LCE3E: variants seen among roughly 807,000 people sequenced by gnomAD.
LCE3E encodes the protein late cornified envelope 3E.
For synonymous variants in LCE3E, 40 were observed against 47.0 expected (o/e 0.85, Z 0.61); for missense variants, 133 against 120.0 (o/e 1.11, Z -0.51).
intron 1 of LCE3E, 69 bp downstream of exon 1, chr1:152,566,669 C>T (rs1436452837): frequency 1.1e-5 from 2 of 185,016 alleles, no homozygotes; most frequent in East Asian, 3.0e-4. Context: ...GTTTCCATCT[C>T]TTCTGCTATG....
Position 152,565,713 on chromosome 1 carries a change from T to C in LCE3E, c.*217A>G. The C allele has an allele frequency of 1.5e-6, 1 of 659,260 alleles. No homozygotes were observed. Among genetic ancestry groups the C allele is most frequent in the South Asian group, 2.0e-5 (1 of 49,246 alleles). The allele number at this position is 659,260 out of a possible 1,614,324, so 40.8% of individuals were successfully genotyped here. A position where few individuals can be genotyped will look rare whatever the true frequency, so the allele number is the denominator to read the frequency against. ...GTTGGGCACAAGCACTGCCAATCCT[T>C]GGCAGGTACAGGGGTAGGGGGACAT... On this transcript the variant is annotated 3_prime_UTR_variant, in exon 2 of 2. Transcript: ENST00000368789.
At position 152,565,905 on chromosome 1, in the gene LCE3E, G is replaced by A. The variant is rs199669771; in HGVS notation, c.*25C>T. The A allele has an allele frequency of 1.1e-4, 175 of 1,609,030 alleles. 3 individuals are homozygous for A. In the South Asian group the frequency reaches 1.4e-3, roughly 13 times the overall value. ...GGGATTCTTGTTTCCTCCAAAGATC[G>A]CTTGTCTCAGCATCAGGATCTGGAT... On this transcript the variant is annotated 3_prime_UTR_variant, in exon 2 of 2. Transcript: ENST00000368789.
At chr1:152,566,473 T>C (rs1271405383) in intron 1 of LCE3E, among the ~76,000 whole-genome samples, 2 of 152,008 alleles carry the variant, frequency 1.3e-5, no homozygotes, top group East Asian at 3.9e-4. Context: ...AAAAGAATTC[T>C]GTAGAATGGA....
At chr1:152,566,339 G>T in intron 1 of LCE3E, 110 bp from the exon 2 acceptor site, 1 of 1,171,752 alleles carries the variant, frequency 8.5e-7, no homozygotes, top group Non-Finnish European at 1.2e-6. Context: ...CTGATGTGGA[G>T]CTGGTGGGAT....
At chr1:152,566,340 C>G (rs1185828771) in intron 1 of LCE3E, 111 bp from the exon 2 acceptor site, 2 of 1,163,680 alleles carry the variant, frequency 1.7e-6, no homozygotes, top group Non-Finnish European at 2.4e-6. Flanking sequence ...TGATGTGGAG[C>G]TGGTGGGATA....
At position 152,566,755 on chromosome 1, in the gene LCE3E, G is replaced by A. The variant is rs1204608893; in HGVS notation, c.-39C>T. On this transcript the variant is annotated 5_prime_UTR_variant, in exon 1 of 2. Coordinates refer to ENST00000368789, the MANE Select transcript of LCE3E (RefSeq NM_178435.4). Reference sequence around the variant, plus strand: ...ATACTTACCAGGTGCAGAGAGGCAGGAGAAGGCTGTTCCTGAGGAGACTGT... The same window carrying A: ...ATACTTACCAGGTGCAGAGAGGCAGAAGAAGGCTGTTCCTGAGGAGACTGT... 1.2e-5 allele frequency: 2 copies of A among 160,380 alleles called. No individual in the cohort carries two copies. The highest frequency in any genetic ancestry group is 2.7e-5 in the Non-Finnish European group (2 of 73,244). 9.9% of individuals were successfully genotyped at this position (160,380 alleles called of 1,614,324 possible).
rs1571028864 is a variant in LCE3E at position 152,566,040 on chromosome 1, G to C, written c.169C>G (p.His57Asp). 6.2e-7 allele frequency: 1 copy of C among 1,613,734 alleles called. No homozygotes were observed. The highest frequency in any genetic ancestry group is 1.3e-5 in the African/African-American group (1 of 75,000). Residue 57 changes from histidine to aspartate, a missense_variant, in exon 2 of 2, where the codon CAC becomes GAC. His to Asp is a moderately conservative substitution (Grantham distance 81). Transcript: ENST00000368789. ...CGCCGGCATCGGTGGTGGCGCCTGT[G>C]GTGGTTCAGGAAGCAGCCGCCCTCG... Reference protein sequence around the residue: ...SSEGGCFLNHHRRHHRCRRQR... With the variant: ...SSEGGCFLNHDRRHHRCRRQR...
intron 1 of LCE3E, among the ~76,000 whole-genome samples, 156 bp downstream of exon 1, chr1:152,566,581 AG>A (rs1659928145): frequency 1.3e-5 from 2 of 152,118 alleles, no homozygotes; most frequent in South Asian, 4.1e-4. Flanking sequence ...CAGTTCCTGC[AG>A]GGTCTCCCTC....
rs765158554 is a variant in LCE3E at position 152,565,853 on chromosome 1, G to C, written c.*77C>G. On this transcript the variant is annotated 3_prime_UTR_variant, in exon 2 of 2. Transcript: ENST00000368789. The stretch of plus-strand genomic sequence containing the variant: ...GAAGAGGGTATATGGGAAGGCATGC[G>C]TCAGATGGGGCTGTTCTTGGCCTCT... 3 of 1,561,218 alleles carry C rather than the reference G, an allele frequency of 1.9e-6. No individual in the cohort carries two copies. In the African/African-American group the frequency reaches 4.1e-5, roughly 21 times the overall value.
Position 152,565,906 on chromosome 1 carries a change from C to T in LCE3E, c.*24G>A, listed in dbSNP as rs758701764. 5 of 1,609,420 alleles carry T rather than the reference C, an allele frequency of 3.1e-6. No individual in the cohort carries two copies. The South Asian group carries it at 5.5e-5, about 18-fold the overall frequency. ...GGATTCTTGTTTCCTCCAAAGATCG[C>T]TTGTCTCAGCATCAGGATCTGGATC... is the stretch of plus-strand genomic sequence containing the variant. On this transcript the variant is annotated 3_prime_UTR_variant, in exon 2 of 2. Coordinates refer to ENST00000368789, the MANE Select transcript of LCE3E (RefSeq NM_178435.4).
Position 152,565,664 on chromosome 1 carries a change from A to G in LCE3E, c.*266T>C. 3 of 550,460 alleles carry G rather than the reference A, an allele frequency of 5.4e-6. No homozygotes were observed. The highest frequency in any genetic ancestry group is 9.6e-6 in the Non-Finnish European group (3 of 311,108). 34.1% of individuals were successfully genotyped at this position (550,460 alleles called of 1,614,324 possible). A position where few individuals can be genotyped will look rare whatever the true frequency, so the allele number is the denominator to read the frequency against. ...GTGGGACGCTGGTGGTAATGAGGAC[A>G]AGGAACTTTATCTTTTTTACGAGGT... On this transcript the variant is annotated 3_prime_UTR_variant, in exon 2 of 2. Transcript: ENST00000368789.
chr1:152,565,688 G>A lies in LCE3E; in HGVS notation c.*242C>T, dbSNP rs1571028514. The A allele has an allele frequency of 3.4e-6, 2 of 594,062 alleles. No homozygotes were observed. Among genetic ancestry groups the A allele is most frequent in the Admixed American group, 3.1e-5 (1 of 31,932 alleles). The allele number at this position is 594,062 out of a possible 1,614,324, so 36.8% of individuals were successfully genotyped here. A position where few individuals can be genotyped will look rare whatever the true frequency, so the allele number is the denominator to read the frequency against. ...CAAGGAACTTTATCTTTTTTACGAG[G>A]TTGGGCACAAGCACTGCCAATCCTT... is the stretch of plus-strand genomic sequence containing the variant. On this transcript the variant is annotated 3_prime_UTR_variant, in exon 2 of 2. Transcript: ENST00000368789.
In LCE3E at chr1:152,566,064, C is replaced by T. The variant is rs200494213; in HGVS notation, c.145G>A (p.Glu49Lys). 296 of 1,613,732 alleles carry T rather than the reference C, an allele frequency of 1.8e-4. No homozygotes were observed. The East Asian group carries it at 6.0e-3, about 33-fold the overall frequency. Residue 49 changes from glutamate (E) to lysine (K), a missense_variant, in exon 2 of 2, where the codon GAG (glutamate) becomes AAG (lysine). Glu to Lys is a moderately conservative substitution (Grantham distance 56). Coordinates refer to ENST00000368789, the MANE Select transcript of LCE3E (RefSeq NM_178435.4). Reference sequence around the variant, plus strand: ...TGGTGGTTCAGGAAGCAGCCGCCCTCGGAGCTAGGGCCACAGCCCCCAGAG... The same window carrying T: ...TGGTGGTTCAGGAAGCAGCCGCCCTTGGAGCTAGGGCCACAGCCCCCAGAG... The part of the protein sequence containing the change: ...PSSGGCGPSS[E>K]GGCFLNHHRR...
At position 152,565,924 on chromosome 1, in the gene LCE3E, T is replaced by C; in HGVS notation, c.*6A>G. On this transcript the variant is annotated 3_prime_UTR_variant, in exon 2 of 2. Transcript: ENST00000368789. ...AAGATCGCTTGTCTCAGCATCAGGATCTGGATCAGCAGCAGCCCCCAGAAC... is the reference window on the plus strand; with the variant it reads ...AAGATCGCTTGTCTCAGCATCAGGACCTGGATCAGCAGCAGCCCCCAGAAC... 3.7e-6 allele frequency: 6 copies of C among 1,612,712 alleles called. No individual in the cohort carries two copies. The highest frequency in any genetic ancestry group is 5.1e-6 in the Non-Finnish European group (6 of 1,179,584).
rs1481045813 is a variant in LCE3E at position 152,566,129 on chromosome 1, A to G, written c.80T>C (p.Val27Ala). ...PSPKCPPKNP[V>A]QCLPPASSGC... Reference sequence around the variant, plus strand: ...AGAGGAAGCTGGAGGCAGACACTGTACTGGGTTCTTTGGGGGACACTTGGG... The same window carrying G: ...AGAGGAAGCTGGAGGCAGACACTGTGCTGGGTTCTTTGGGGGACACTTGGG... The change falls in exon 2 of 2, where the codon GTA (valine) becomes GCA (alanine). Residue 27 changes from valine (V) to alanine (A), a missense_variant. Physicochemically the swap from Val to Ala is moderately conservative, Grantham distance 64. Transcript: ENST00000368789. 6.2e-7 allele frequency: 1 copy of G among 1,613,842 alleles called. No homozygotes were observed.
In LCE3E at chr1:152,566,219, G is replaced by A. The variant is rs2101771142; in HGVS notation, c.-11C>T. 9 of 1,613,602 alleles carry A rather than the reference G, an allele frequency of 5.6e-6. No individual in the cohort carries two copies. The highest frequency in any genetic ancestry group is 7.6e-6 in the Non-Finnish European group (9 of 1,179,974). On this transcript the variant is annotated 5_prime_UTR_variant, in exon 2 of 2. Coordinates refer to ENST00000368789, the MANE Select transcript of LCE3E (RefSeq NM_178435.4). ...CTGCTGGCAGGACATCTTGGCAGGA[G>A]TTGAGATGTCCTGGAGAAAACGAAG...
At chr1:152,566,254 A>G in intron 1 of LCE3E, 25 bp from the exon 2 acceptor site, 2 of 1,604,564 alleles carry the variant, frequency 1.2e-6, no homozygotes, top group Non-Finnish European at 1.7e-6. Context: ...GCCACTTCTT[A>G]GTTCAAAATC....
Position 152,565,901 on chromosome 1 carries a change from G to T in LCE3E, c.*29C>A. Reference sequence around the variant, plus strand: ...TCTTGGGATTCTTGTTTCCTCCAAAGATCGCTTGTCTCAGCATCAGGATCT... The same window carrying T: ...TCTTGGGATTCTTGTTTCCTCCAAATATCGCTTGTCTCAGCATCAGGATCT... On this transcript the variant is annotated 3_prime_UTR_variant, in exon 2 of 2. Coordinates refer to ENST00000368789, the MANE Select transcript of LCE3E (RefSeq NM_178435.4). 1 of 1,607,760 alleles carries T rather than the reference G, an allele frequency of 6.2e-7. No homozygotes were observed. The highest frequency in any genetic ancestry group is 8.5e-7 in the Non-Finnish European group (1 of 1,177,192).
At position 152,565,993 on chromosome 1, in the gene LCE3E, G is replaced by T; in HGVS notation, c.216C>A (p.Asp72Glu). 6 of 1,613,852 alleles carry T rather than the reference G, an allele frequency of 3.7e-6. No homozygotes were observed. Among genetic ancestry groups the T allele is most frequent in the Non-Finnish European group, 5.1e-6 (6 of 1,180,042 alleles). ...CCCCGCCTTGCTGACCACTGCCCCT[G>T]TCACAGGAGTTGGACCTCTGGCGCC... Reference protein sequence around the residue: ...RCRRQRSNSCDRGSGQQGGGS... With the variant: ...RCRRQRSNSCERGSGQQGGGS... The change falls in exon 2 of 2, where the codon GAC becomes GAA. Residue 72 changes from aspartate to glutamate, a missense_variant. By Grantham distance (45) the Asp-to-Glu change is conservative. Transcript: ENST00000368789.
Sources: gnomAD v4.1 joint callset for allele counts (sites outside exome capture counted in the v4.1 genomes callset) on GRCh38, gnomAD v4.1.1 for gene constraint, MANE v1.5 for transcripts, NCBI Gene and HGNC (gene_info 2026-07-23, HGNC 2026-07-21) for gene names.